Variants in SFXN2 observed in about 807,000 individuals in gnomAD.
The protein encoded by SFXN2 is sideroflexin-2.
In SFXN2, 37 loss-of-function variants were observed where a neutral mutation model predicts 41.9. The observed-to-expected ratio is 0.88, with a 90% confidence interval of 0.68 to 1.16. The LOEUF (loss-of-function observed/expected upper bound fraction) is 1.16. SFXN2 is among the 50% of genes most tolerant of loss of function. The pLI is 0.00. For missense variants in SFXN2, 386 were observed against 425.2 expected, an observed-to-expected ratio of 0.91 and a Z score of 0.81; for synonymous variants, 150 against 156.7, an observed-to-expected ratio of 0.96 and a Z score of 0.32.
Position 102,728,479 on chromosome 10 carries a change from T to A in SFXN2, c.381T>A (p.Asn127Lys). The change falls in exon 4 of 12, where the codon AAT (asparagine) becomes AAA (lysine). Residue 127 changes from asparagine (N) to lysine (K), a missense_variant. Asn to Lys is a moderately conservative substitution (Grantham distance 94, BLOSUM62 0). Coordinates refer to ENST00000369893, the MANE Select transcript of SFXN2 (RefSeq NM_178858.6). ...IFWQWVNQSF[N>K]ALVNYTNRNA... is the part of the protein sequence containing the mutation. ...GGCAGTGGGTGAACCAGTCCTTCAA[T>A]GCCTTAGTCAACTACACCAACAGGA... is the stretch of plus-strand genomic sequence containing the variant. The A allele has an allele frequency of 6.2e-7, 1 of 1,613,914 alleles. No individual in the cohort carries two copies. Among genetic ancestry groups the A allele is most frequent in the South Asian group, 1.1e-5 (1 of 91,076 alleles).
At chr10:102,731,269 A>G (rs956535521) in intron 6 of SFXN2, among the ~76,000 whole-genome samples, 1 of 80,678 alleles carries the variant, frequency 1.2e-5, no homozygotes, top group African/African-American at 4.3e-5. Flanking sequence ...TGTCTCAAAA[A>G]AAAAAAAAAA....
chr10:102,724,251 A>G (rs530599119), intron 1 of SFXN2, among the ~76,000 whole-genome samples: 32 of 152,284 alleles, frequency 2.1e-4, no homozygotes, highest in Non-Finnish European at 4.3e-4. Flanking sequence ...CCAGTCTGCC[A>G]TGGATGGGCC....
intron 5 of SFXN2, 125 bp from the exon 6 acceptor site, chr10:102,729,598 T>A (rs2064668715): frequency 8.7e-7 from 1 of 1,154,954 alleles, no homozygotes; most frequent in Non-Finnish European, 1.2e-6. Context: ...GTTCCCAGAC[T>A]GGGTGTCTGG....
intron 3 of SFXN2, among the ~76,000 whole-genome samples, 177 bp from the exon 4 acceptor site, chr10:102,728,254 G>A (rs949677353): frequency 2.6e-5 from 4 of 152,212 alleles, no homozygotes; most frequent in Non-Finnish European, 2.9e-5. Context: ...AGCTGAGATC[G>A]TACCACTGCA....
Position 102,732,183 on chromosome 10 carries a change from T to A in SFXN2, c.686T>A (p.Val229Asp). Residue 229 changes from valine to aspartate, a missense_variant, in exon 8 of 12, where the codon GTT becomes GAT. Coordinates refer to ENST00000369893, the MANE Select transcript of SFXN2 (RefSeq NM_178858.6). Reference protein sequence around the residue: ...RAAAIGITQVVISRITMSAPG... With the variant: ...RAAAIGITQVDISRITMSAPG... ...GCGGCCATAGGCATCACCCAAGTAG[T>A]TATTTCTCGGATCACCATGTCAGCT... 6.2e-7 allele frequency: 1 copy of A among 1,613,994 alleles called. No individual in the cohort carries two copies. The highest frequency in any genetic ancestry group is 8.5e-7 in the Non-Finnish European group (1 of 1,179,960).
intron 1 of SFXN2, among the ~76,000 whole-genome samples, chr10:102,715,814 G>T (rs368903767): frequency 6.6e-6 from 1 of 151,378 alleles, no homozygotes; most frequent in Non-Finnish European, 1.5e-5. Flanking sequence ...GCCAGGTTCC[G>T]TGGCGCACTT....
In SFXN2 at chr10:102,737,783, C is replaced by A. The variant is rs771561071; in HGVS notation, c.*21C>A. 5 of 1,514,766 alleles carry A rather than the reference C, an allele frequency of 3.3e-6. No homozygotes were observed. The highest frequency in any genetic ancestry group is 3.4e-4 in the Middle Eastern group (2 of 5,826). The allele number at this position is 1,514,766 out of a possible 1,614,324, so 93.8% of individuals were successfully genotyped here. ...TCTAAATGCCCCACTTCAGCAAGGACCAGTCTATTCCCATATTCACCAGCT... is the reference window on the plus strand; with the variant it reads ...TCTAAATGCCCCACTTCAGCAAGGAACAGTCTATTCCCATATTCACCAGCT... On this transcript the variant is annotated 3_prime_UTR_variant, in exon 12 of 12. Transcript: ENST00000369893.
At chr10:102,736,909 C>T (rs2064789112) in intron 11 of SFXN2, among the ~76,000 whole-genome samples, 1 of 151,134 alleles carries the variant, frequency 6.6e-6, no homozygotes, top group African/African-American at 2.4e-5. Flanking sequence ...AACCCCAGCA[C>T]TTTGGGAGGC....
rs1842779084 is a variant in SFXN2, at chr10:102,741,038, A to C, written c.*3276A>C. 1 of 152,230 alleles carries C rather than the reference A, an allele frequency of 6.6e-6. No individual in the cohort carries two copies. Among genetic ancestry groups the C allele is most frequent in the African/African-American group, 2.4e-5 (1 of 41,458 alleles). 9.4% of individuals were successfully genotyped at this position (152,230 alleles called of 1,614,324 possible). A position where few individuals can be genotyped will look rare whatever the true frequency, so the allele number is the denominator to read the frequency against. On this transcript the variant is annotated 3_prime_UTR_variant, in exon 12 of 12. Coordinates refer to ENST00000369893, the MANE Select transcript of SFXN2 (RefSeq NM_178858.6). Reference sequence around the variant, plus strand: ...TTCAGGGACATTCTAAAAAGTGGTCACTCAAACTGCATCTCAGTCTCATTT... The same window carrying C: ...TTCAGGGACATTCTAAAAAGTGGTCCCTCAAACTGCATCTCAGTCTCATTT...
Position 102,732,663 on chromosome 10 carries a change from AC to A in SFXN2, c.722-195del, listed in dbSNP as rs139372984. 4.6e-3 allele frequency among the ~76,000 whole-genome samples: 694 copies of A among 152,298 alleles called. 3 individuals are homozygous for A. The highest frequency in any genetic ancestry group is 0.016 in the African/African-American group (663 of 41,558). On this transcript the variant is annotated intron_variant, in intron 8 of 11. Transcript: ENST00000369893. The stretch of plus-strand genomic sequence containing the variant: ...GTGCAGGTTGAGAAGCTTGGGAAGC[AC>A]TGTTCTGCCAGGACTTTGGGGAGAA...
At chr10:102,728,834 G>A (rs899791381) in intron 4 of SFXN2, among the ~76,000 whole-genome samples, 3 of 152,122 alleles carry the variant, frequency 2.0e-5, no homozygotes, top group Non-Finnish European at 4.4e-5. Flanking sequence ...GGCCAGGCAC[G>A]GTGGTTCTCA....
intron 11 of SFXN2, 56 bp from the exon 12 acceptor site, chr10:102,737,607 G>A (rs541807110): frequency 8.7e-7 from 1 of 1,151,928 alleles, no homozygotes; most frequent in Non-Finnish European, 1.3e-6. Context: ...TTCATCTGAG[G>A]GTAACTTACT....
In SFXN2 at chr10:102,739,690, T is replaced by G. The variant is rs1021229973; in HGVS notation, c.*1928T>G. ...ACTTTGGGAGGCCGAGGCAGGTGGA[T>G]CACCTGAGGTCAGGAGTTCGAGACC... On this transcript the variant is annotated 3_prime_UTR_variant, in exon 12 of 12. Coordinates refer to ENST00000369893, the MANE Select transcript of SFXN2 (RefSeq NM_178858.6). 6.6e-6 allele frequency: 1 copy of G among 152,154 alleles called. No individual in the cohort carries two copies. Among genetic ancestry groups the G allele is most frequent in the Non-Finnish European group, 1.5e-5 (1 of 68,058 alleles). The allele number at this position is 152,154 out of a possible 1,614,324, so 9.4% of individuals were successfully genotyped here.
chr10:102,742,617 G>A lies in SFXN2; in HGVS notation c.*4855G>A, dbSNP rs1842802746. On this transcript the variant is annotated 3_prime_UTR_variant, in exon 12 of 12. Coordinates refer to ENST00000369893, the MANE Select transcript of SFXN2 (RefSeq NM_178858.6). ...ACTACAAGTGTGCACCACCATGCTTGGCTAATTTGGCTAATTTAGTTTTTT... is the reference window on the plus strand; with the variant it reads ...ACTACAAGTGTGCACCACCATGCTTAGCTAATTTGGCTAATTTAGTTTTTT... The A allele has an allele frequency of 6.6e-6, 1 of 152,058 alleles. No homozygotes were observed. The highest frequency in any genetic ancestry group is 1.5e-5 in the Non-Finnish European group (1 of 68,048). 9.4% of individuals were successfully genotyped at this position (152,058 alleles called of 1,614,324 possible).
intron 11 of SFXN2, among the ~76,000 whole-genome samples, chr10:102,736,694 C>A (rs544833544): frequency 2.0e-5 from 3 of 151,850 alleles, no homozygotes; most frequent in Non-Finnish European, 4.4e-5. Flanking sequence ...GCACTACAGG[C>A]GTGAGCCACC....
At position 102,734,229 on chromosome 10, in the gene SFXN2, T is replaced by C. The variant is rs1564746702; in HGVS notation, c.821+626T>C. 6.6e-6 allele frequency among the ~76,000 whole-genome samples: 1 copy of C among 152,140 alleles called. No homozygotes were observed. The highest frequency in any genetic ancestry group is 2.4e-5 in the African/African-American group (1 of 41,426). The stretch of plus-strand genomic sequence containing the variant: ...GGAGACATAGCTTTGGCTGGGACTG[T>C]CATGTGTCCCAGACTCACACAGGAG... On this transcript the variant is annotated intron_variant, in intron 10 of 11. Coordinates refer to ENST00000369893, the MANE Select transcript of SFXN2 (RefSeq NM_178858.6). The surrounding 1 kb of genome is among the most constrained non-coding windows in gnomAD (Gnocchi z 4.1).
rs375214306 is a variant in SFXN2 at position 102,739,382 on chromosome 10, G to A, written c.*1620G>A. On this transcript the variant is annotated 3_prime_UTR_variant, in exon 12 of 12. Transcript: ENST00000369893. ...CAGGAAGCTCCAGATCTCCCAGAAT[G>A]GGAGCTGTGTTGCCCTAGAGCAAGA... The A allele has an allele frequency of 1.1e-4, 17 of 152,322 alleles. No homozygotes were observed. Among genetic ancestry groups the A allele is most frequent in the African/African-American group, 3.8e-4 (16 of 41,572 alleles). The allele number at this position is 152,322 out of a possible 1,614,324, so 9.4% of individuals were successfully genotyped here.
intron 4 of SFXN2, 77 bp from the exon 5 acceptor site, chr10:102,729,242 G>T: frequency 6.9e-7 from 1 of 1,441,154 alleles, no homozygotes; most frequent in South Asian, 1.2e-5. Flanking sequence ...CTCGCCAGCC[G>T]ACTTTCTCCC....
rs377607607 is a variant in SFXN2, at chr10:102,729,806, G to C, written c.591G>C (p.Gln197His). The part of the protein sequence containing the change: ...ANCVNIPMMR[Q>H]QELIKGICVK... ...GTGTCAATATCCCCATGATGCGACA[G>C]CAGTGAGTAAAGGCCCCTTTTTCTC... The change falls in exon 6 of 12, where the codon CAG becomes CAC. Residue 197 changes from glutamine to histidine, a missense_variant and splice_region_variant. Physicochemically the swap from Gln to His is conservative, Grantham distance 24 (BLOSUM62 0). Transcript: ENST00000369893. 6.2e-7 allele frequency: 1 copy of C among 1,613,858 alleles called. No homozygotes were observed. The highest frequency in any genetic ancestry group is 2.2e-5 in the East Asian group (1 of 44,900).
Sources: allele counts gnomAD v4.1 joint callset (sites outside exome capture counted in the v4.1 genomes callset), GRCh38; gene constraint gnomAD v4.1.1; non-coding constraint Gnocchi (gnomAD v3.1); transcripts MANE v1.5; gene names NCBI Gene and HGNC (gene_info 2026-07-23, HGNC 2026-07-21).